The following CDKAL1 variants were observed in gnomAD, a reference collection of about 807,000 sequenced individuals.
CDKAL1 encodes the protein CDKAL1 threonylcarbamoyladenosine tRNA methylthiotransferase.
A neutral mutation model predicts 68.2 loss-of-function variants in CDKAL1; 32 were observed. That is an observed-to-expected ratio of 0.47 (90% CI 0.35 to 0.63). The LOEUF is 0.63. Ranked by LOEUF, CDKAL1 falls within the 30% of genes least tolerant of loss-of-function variation. The pLI is 0.00. For missense variants in CDKAL1, 606 were observed against 696.7 expected (o/e 0.87, Z 1.47); for synonymous variants, 234 against 244.3 (o/e 0.96, Z 0.39).
intron 8 of CDKAL1, among the ~76,000 whole-genome samples, chr6:20,834,722 C>T (rs921945728): frequency 6.6e-6 from 1 of 152,112 alleles, no homozygotes; most frequent in East Asian, 1.9e-4. Context: ...GTTGAAGCAA[C>T]TATAGTATAA....
intron 13 of CDKAL1, among the ~76,000 whole-genome samples, chr6:21,161,763 A>G (rs1392077818): frequency 6.6e-6 from 1 of 152,224 alleles, no homozygotes; most frequent in African/African-American, 2.4e-5. Context: ...TTAAGCAGAC[A>G]TAATATAACA....
At chr6:20,906,234 G>GTT (rs765965960) in intron 9 of CDKAL1, among the ~76,000 whole-genome samples, 1 of 145,946 alleles carries the variant, frequency 6.9e-6, no homozygotes, top group African/African-American at 2.5e-5. Flanking sequence ...ATGCATTTAA[G>GTT]TTTTTTTTTT....
intron 9 of CDKAL1, among the ~76,000 whole-genome samples, chr6:20,880,843 A>T (rs1191365857): frequency 6.6e-6 from 1 of 152,192 alleles, no homozygotes; most frequent in East Asian, 1.9e-4. Context: ...TTATTGGTTC[A>T]TGCACAGTTA....
chr6:20,535,650 T>C (rs1284021723), intron 2 of CDKAL1, among the ~76,000 whole-genome samples: 1 of 152,192 alleles, frequency 6.6e-6, no homozygotes, highest in Admixed American at 6.5e-5. Context: ...ATGGATTTTT[T>C]TCCTTGTCTG....
intron 15 of CDKAL1, among the ~76,000 whole-genome samples, chr6:21,202,952 G>C (rs1240785701): frequency 1.3e-5 from 2 of 152,180 alleles, no homozygotes; most frequent in Non-Finnish European, 2.9e-5. Flanking sequence ...TGGTCTGTTA[G>C]AGCCTCTAGA....
intron 4 of CDKAL1, among the ~76,000 whole-genome samples, chr6:20,589,590 A>C (rs953285896): frequency 1.3e-5 from 2 of 152,220 alleles, no homozygotes; most frequent in African/African-American, 4.8e-5. Context: ...TTAGAAAATG[A>C]TTCATTACGT....
At chr6:20,855,509 G>A (rs900507058) in intron 9 of CDKAL1, among the ~76,000 whole-genome samples, 14 of 147,408 alleles carry the variant, frequency 9.5e-5, no homozygotes, top group African/African-American at 3.3e-4. Context: ...ATAACACCCT[G>A]AAGGGATTTA....
chr6:20,807,628 ATTAAT>A (rs1776629338), intron 8 of CDKAL1, among the ~76,000 whole-genome samples: 3 of 5,796 alleles, frequency 5.2e-4, no homozygotes. Flanking sequence ...TCCTAATAAA[ATTAAT>A]CCAAAATTAA....
chr6:21,129,864 C>T (rs1471676247), intron 13 of CDKAL1, among the ~76,000 whole-genome samples: 1 of 151,988 alleles, frequency 6.6e-6, no homozygotes, highest in East Asian at 1.9e-4. Flanking sequence ...AATGTTAGCA[C>T]TGAAAGGAGT....
intron 13 of CDKAL1, among the ~76,000 whole-genome samples, chr6:21,178,618 T>A (rs1317715098): frequency 1.3e-5 from 2 of 152,176 alleles, no homozygotes; most frequent in Non-Finnish European, 2.9e-5. Context: ...ACAGGTTAAT[T>A]TGATTGAAAA....
intron 10 of CDKAL1, among the ~76,000 whole-genome samples, chr6:20,965,767 T>C (rs1464294856): frequency 1.3e-5 from 2 of 152,200 alleles, no homozygotes; most frequent in African/African-American, 2.4e-5. Flanking sequence ...ATGTCACCTG[T>C]CAAAATTAGT....
intron 8 of CDKAL1, among the ~76,000 whole-genome samples, chr6:20,807,410 A>T (rs1344622468): frequency 1.3e-5 from 2 of 151,966 alleles, no homozygotes; most frequent in African/African-American, 2.4e-5. Flanking sequence ...TTTTGTAGAG[A>T]TGGGGTTTCG....
chr6:21,176,476 A>G (rs1427987530), intron 13 of CDKAL1, among the ~76,000 whole-genome samples: 2 of 152,216 alleles, frequency 1.3e-5, no homozygotes, highest in Admixed American at 6.5e-5. Flanking sequence ...CAATGGTGAA[A>G]TTTTAGATCT....
At chr6:20,842,937 T>G (rs949364346) in intron 8 of CDKAL1, among the ~76,000 whole-genome samples, 1 of 152,216 alleles carries the variant, frequency 6.6e-6, no homozygotes, top group African/African-American at 2.4e-5. Context: ...TGTAATATTC[T>G]TAGTTGCTTA....
At chr6:21,036,108 G>A (rs1769571924) in intron 11 of CDKAL1, among the ~76,000 whole-genome samples, 1 of 152,132 alleles carries the variant, frequency 6.6e-6, no homozygotes, top group African/African-American at 2.4e-5. Flanking sequence ...CATGCTTAAT[G>A]CTTTAACTTT....
At chr6:21,169,546 G>A (rs1395425047) in intron 13 of CDKAL1, among the ~76,000 whole-genome samples, 2 of 152,178 alleles carry the variant, frequency 1.3e-5, no homozygotes, top group African/African-American at 4.8e-5. Context: ...TGAGGCAGGG[G>A]AATCACTTGA....
At chr6:20,974,715 G>A (rs1004553437) in intron 10 of CDKAL1, among the ~76,000 whole-genome samples, 9 of 151,436 alleles carry the variant, frequency 5.9e-5, no homozygotes, top group African/African-American at 1.7e-4. Context: ...GCAGTGACTC[G>A]TGCTTGTAAT....
At chr6:21,057,934 A>T (rs991880916) in intron 11 of CDKAL1, among the ~76,000 whole-genome samples, 1 of 152,214 alleles carries the variant, frequency 6.6e-6, no homozygotes, top group South Asian at 2.1e-4. Context: ...ACTTCCAATT[A>T]TGTGATAAAT....
intron 5 of CDKAL1, among the ~76,000 whole-genome samples, chr6:20,738,766 T>G (rs1174600473): frequency 6.6e-6 from 1 of 152,240 alleles, no homozygotes. Context: ...CCCAAAGTGT[T>G]GGGATTACAG....
Sources: gnomAD v4.1 joint callset for allele counts (sites outside exome capture counted in the v4.1 genomes callset) on GRCh38, gnomAD v4.1.1 for gene constraint, MANE v1.5 for transcripts, NCBI Gene and HGNC (gene_info 2026-07-23, HGNC 2026-07-21) for gene names.